Variants in SPMIP2 observed in about 807,000 individuals in gnomAD.
SPMIP2 encodes the protein protein SPMIP2.
the SPMIP2 span, among the ~76,000 whole-genome samples, chr4:158,940,721 T>C: frequency 5.9e-5 from 9 of 152,194 alleles, no homozygotes; most frequent in East Asian, 1.9e-4. Context: ...TGTAACCAGT[T>C]TGTTGTGTTT....
the SPMIP2 span, among the ~76,000 whole-genome samples, chr4:158,901,748 C>T: frequency 1.3e-5 from 2 of 151,750 alleles, no homozygotes; most frequent in African/African-American, 4.8e-5. Context: ...TCTTCAATCT[C>T]TGATAGCCTT....
chr4:158,894,451 C>T, the SPMIP2 span, among the ~76,000 whole-genome samples: 1 of 152,182 alleles, frequency 6.6e-6, no homozygotes, highest in African/African-American at 2.4e-5. Context: ...GGATTACATG[C>T]GTGAGCCACT....
chr4:158,916,291 A>G, the SPMIP2 span, among the ~76,000 whole-genome samples: 1 of 152,164 alleles, frequency 6.6e-6, no homozygotes, highest in Non-Finnish European at 1.5e-5. Flanking sequence ...AAGTACTAGG[A>G]AAAAAAATTA....
At chr4:158,896,929 G>A in the SPMIP2 span, among the ~76,000 whole-genome samples, 2 of 151,798 alleles carry the variant, frequency 1.3e-5, no homozygotes, top group Non-Finnish European at 2.9e-5. Flanking sequence ...ACGTGCCATG[G>A]TGGTTTGCTG....
the SPMIP2 span, among the ~76,000 whole-genome samples, chr4:158,958,647 A>G: frequency 3.9e-5 from 6 of 152,228 alleles, no homozygotes; most frequent in Non-Finnish European, 8.8e-5. Context: ...GAGACTCAGC[A>G]CTAACCTTTG....
the SPMIP2 span, among the ~76,000 whole-genome samples, chr4:159,077,905 AC>A: frequency 6.6e-6 from 1 of 152,224 alleles, no homozygotes; most frequent in Non-Finnish European, 1.5e-5. Context: ...CAATGCTATT[AC>A]GGTAGCAAAC....
chr4:158,934,575 A>G, the SPMIP2 span, among the ~76,000 whole-genome samples: 3 of 152,234 alleles, frequency 2.0e-5, no homozygotes, highest in African/African-American at 7.2e-5. Flanking sequence ...AAAAATTTAT[A>G]CGTGTTAGCC....
the SPMIP2 span, among the ~76,000 whole-genome samples, chr4:158,897,231 C>T: frequency 6.6e-6 from 1 of 152,134 alleles, no homozygotes; most frequent in Non-Finnish European, 1.5e-5. Context: ...TTTCTTTATC[C>T]AGTCTATCAT....
chr4:158,917,520 C>T, the SPMIP2 span, among the ~76,000 whole-genome samples: 1 of 151,942 alleles, frequency 6.6e-6, no homozygotes, highest in Non-Finnish European at 1.5e-5. Context: ...CTTCACCTTC[C>T]CCTCGATGAG....
chr4:159,026,042 T>A, the SPMIP2 span: 34 of 171,180 alleles, frequency 2.0e-4, no homozygotes, highest in African/African-American at 8.1e-4. Flanking sequence ...CATTTCATCC[T>A]GATTTAAAGA....
the SPMIP2 span, chr4:159,007,656 G>A: frequency 9.0e-6 from 7 of 777,026 alleles, no homozygotes; most frequent in East Asian, 2.8e-4. Flanking sequence ...GGCCTCCAAG[G>A]AGACTCATGT....
At chr4:159,067,226 TA>T in the SPMIP2 span, among the ~76,000 whole-genome samples, 1 of 151,388 alleles carries the variant, frequency 6.6e-6, no homozygotes, top group Non-Finnish European at 1.5e-5. Flanking sequence ...AGAATCTATT[TA>T]AAAAAAAACC....
At chr4:158,985,651 T>C in the SPMIP2 span, among the ~76,000 whole-genome samples, 4 of 152,154 alleles carry the variant, frequency 2.6e-5, no homozygotes, top group Admixed American at 2.0e-4. Context: ...ATAAGAGCTA[T>C]CTATGACAAA....
the SPMIP2 span, among the ~76,000 whole-genome samples, chr4:159,003,897 A>G: frequency 2.6e-5 from 4 of 152,216 alleles, no homozygotes; most frequent in South Asian, 2.1e-4. Context: ...GCTGATAGGG[A>G]CAAGAACATT....
the SPMIP2 span, among the ~76,000 whole-genome samples, chr4:159,071,896 TG>T: frequency 1.3e-5 from 2 of 152,220 alleles, no homozygotes. Flanking sequence ...TTCAGCTGCC[TG>T]GGGGTTAGTA....
the SPMIP2 span, among the ~76,000 whole-genome samples, chr4:159,009,490 C>G: frequency 1.3e-5 from 2 of 152,096 alleles, no homozygotes; most frequent in Non-Finnish European, 2.9e-5. Flanking sequence ...ATTAATGTAC[C>G]AAGACTAGCA....
the SPMIP2 span, among the ~76,000 whole-genome samples, chr4:158,981,806 CAAAAAAAAAAAAA>C: frequency 1.3e-5 from 1 of 77,300 alleles, no homozygotes. Flanking sequence ...AACTAATGGG[CAAAAAAAAAAAAA>C]AAAAAAAAAA....
At chr4:158,956,248 A>G in the SPMIP2 span, among the ~76,000 whole-genome samples, 1 of 152,308 alleles carries the variant, frequency 6.6e-6, no homozygotes, top group African/African-American at 2.4e-5. Flanking sequence ...ATACATCACA[A>G]TCATTTGTAG....
At chr4:158,898,899 G>A in the SPMIP2 span, among the ~76,000 whole-genome samples, 1 of 152,246 alleles carries the variant, frequency 6.6e-6, no homozygotes, top group African/African-American at 2.4e-5. Flanking sequence ...AGTGGTGAGA[G>A]AGAGCATCCT....
Sources: allele counts gnomAD v4.1 joint callset (sites outside exome capture counted in the v4.1 genomes callset), GRCh38; gene constraint gnomAD v4.1.1; transcripts MANE v1.5; gene names NCBI Gene and HGNC (gene_info 2026-07-23, HGNC 2026-07-21).